The following FAT1 variants were observed in gnomAD, a reference collection of about 807,000 sequenced individuals.
FAT1 encodes the protein FAT atypical cadherin 1.
In FAT1, 171 loss-of-function variants were observed where a neutral mutation model predicts 329.8. The ratio of observed to expected loss-of-function variants is 0.52; its 90% CI spans 0.46 to 0.59. FAT1 has a LOEUF of 0.59. FAT1 is among the 20% of genes least tolerant of loss of function. FAT1 has a pLI of 0.00. For synonymous variants in FAT1, 2,233 were observed against 2,228.6 expected, an observed-to-expected ratio of 1.00 and a Z score of -0.06; for missense variants, 5,672 against 5,774.4, an observed-to-expected ratio of 0.98 and a Z score of 0.57.
chr4:186,659,028 C>T (rs907622494), intron 3 of FAT1, among the ~76,000 whole-genome samples: 4 of 152,256 alleles, frequency 2.6e-5, no homozygotes, highest in African/African-American at 7.2e-5. Context: ...CATATACGAT[C>T]GAACCGCACA....
chr4:186,658,341 G>A (rs545383466), intron 3 of FAT1, among the ~76,000 whole-genome samples: 10 of 152,076 alleles, frequency 6.6e-5, no homozygotes, highest in Admixed American at 5.2e-4. Flanking sequence ...ATTCAAAAAA[G>A]TTCACTCAAA....
rs754072985 is a variant in FAT1 at position 186,620,523 on chromosome 4, G to A, written c.6063C>T (p.Arg2021=). Residue 2021 remains arginine (R), a synonymous_variant, in exon 10 of 27, where the codon CGC becomes CGT. Transcript: ENST00000441802. ...CTGAAGTGCGGCTTATTTTAAATCTGCGATCTGGGTTGAGGATGTGATAAA... is the reference window on the plus strand; with the variant it reads ...CTGAAGTGCGGCTTATTTTAAATCTACGATCTGGGTTGAGGATGTGATAAA... ...PLFYHILNPD[R]RFKISRTSGV... The A allele has an allele frequency of 5.2e-5, 84 of 1,613,892 alleles. No homozygotes were observed. The highest frequency in any genetic ancestry group is 6.7e-5 in the Non-Finnish European group (79 of 1,179,918).
At chr4:186,602,475 C>T (rs1738858800) in intron 20 of FAT1, among the ~76,000 whole-genome samples, 1 of 152,116 alleles carries the variant, frequency 6.6e-6, no homozygotes, top group African/African-American at 2.4e-5. Flanking sequence ...TACAGCCATG[C>T]TAGAAAATAT....
chr4:186,622,084 C>G (rs1275944585), intron 9 of FAT1, among the ~76,000 whole-genome samples: 1 of 152,226 alleles, frequency 6.6e-6, no homozygotes, highest in Non-Finnish European at 1.5e-5. Context: ...AAAGACAAGG[C>G]TATCCTTCCA....
chr4:186,611,769 T>C lies in FAT1; in HGVS notation c.9470A>G (p.Asn3157Ser). ...AATCAGTGAGTATAAAATCTTCCGA[T>C]TTAATCCTATGAAGACATAAAAACA... ...VQATDADAGL[N>S]RKILYSLIDS... The change falls in exon 14 of 27, where the codon AAT becomes AGT. Residue 3157 changes from asparagine to serine, a missense_variant. By Grantham distance (46) the Asn-to-Ser change is conservative. This residue lies in a region of FAT1 where 1,706 missense variants were observed against 1,859.1 expected (regional missense o/e 0.92). Transcript: ENST00000441802. 6.4e-7 allele frequency: 1 copy of C among 1,562,436 alleles called. No individual in the cohort carries two copies. Among genetic ancestry groups the C allele is most frequent in the East Asian group, 2.3e-5 (1 of 42,688 alleles).
intron 2 of FAT1, among the ~76,000 whole-genome samples, chr4:186,683,872 C>T (rs1743339874): frequency 2.6e-5 from 4 of 151,818 alleles, no homozygotes; most frequent in Non-Finnish European, 4.4e-5. Context: ...CCTCAGTGAT[C>T]CTTCCAAAAA....
At chr4:186,679,300 C>T (rs1305418399) in intron 2 of FAT1, among the ~76,000 whole-genome samples, 1 of 151,772 alleles carries the variant, frequency 6.6e-6, no homozygotes, top group Non-Finnish European at 1.5e-5. Flanking sequence ...GCCTGTAGTC[C>T]CAGCTACTCG....
At chr4:186,677,878 T>C (rs1413632102) in intron 2 of FAT1, among the ~76,000 whole-genome samples, 2 of 152,138 alleles carry the variant, frequency 1.3e-5, no homozygotes, top group Non-Finnish European at 2.9e-5. Flanking sequence ...AAGAATAGAT[T>C]GGCAAGTCTC....
intron 26 of FAT1, among the ~76,000 whole-genome samples, chr4:186,591,030 G>GC (rs1738216867): frequency 6.6e-6 from 1 of 152,196 alleles, no homozygotes; most frequent in Non-Finnish European, 1.5e-5. Flanking sequence ...CCAGGGCCCC[G>GC]CATCTATACA....
At chr4:186,692,054 T>G (rs1743792273) in intron 2 of FAT1, among the ~76,000 whole-genome samples, 1 of 151,878 alleles carries the variant, frequency 6.6e-6, no homozygotes, top group African/African-American at 2.4e-5. Context: ...CACAAGTTTG[T>G]TTTTCTTCCC....
At chr4:186,659,727 C>G (rs1222771582) in intron 3 of FAT1, among the ~76,000 whole-genome samples, 1 of 150,062 alleles carries the variant, frequency 6.7e-6, no homozygotes, top group Non-Finnish European at 1.5e-5. Flanking sequence ...TCTACACACA[C>G]AAGCCGGCTG....
intron 2 of FAT1, among the ~76,000 whole-genome samples, chr4:186,664,524 T>C (rs1742339465): frequency 6.6e-6 from 1 of 152,158 alleles, no homozygotes; most frequent in Non-Finnish European, 1.5e-5. Flanking sequence ...GTAAGTCAAC[T>C]AGCAAGAGAT....
Position 186,604,509 on chromosome 4 carries a change from G to C in FAT1, c.10416C>G (p.Asn3472Lys), listed in dbSNP as rs542873085. 2 of 1,613,548 alleles carry C rather than the reference G, an allele frequency of 1.2e-6. No individual in the cohort carries two copies. Among genetic ancestry groups the C allele is most frequent in the Non-Finnish European group, 1.7e-6 (2 of 1,179,538 alleles). The stretch of plus-strand genomic sequence containing the variant: ...CAATAGTAAAGAAGAAGGGTGGACC[G>C]TTATGGGAAGAATCCTCATCTGTTA... ...LVVTDEDSSH[N>K]GPPFFFTIVT... Residue 3472 changes from asparagine to lysine, a missense_variant, in exon 18 of 27, where the codon AAC becomes AAG. Asn to Lys is a moderately conservative substitution (Grantham distance 94). Transcript: ENST00000441802.
Position 186,597,755 on chromosome 4 carries a change from T to C in FAT1, c.12295A>G (p.Lys4099Glu), listed in dbSNP as rs1323366048. Residue 4099 changes from lysine to glutamate, a missense_variant, in exon 24 of 27, where the codon AAG becomes GAG. By Grantham distance (56) the Lys-to-Glu change is moderately conservative (BLOSUM62 1). Coordinates refer to ENST00000441802, the MANE Select transcript of FAT1 (RefSeq NM_005245.4). ...LSPYCKDEPCKNGGTCFDSLD... is the reference protein window; with the variant it reads ...LSPYCKDEPCENGGTCFDSLD... ...CTGTCAAAGCATGTTCCGCCATTCT[T>C]ACAGGGTTCATCTTTGCAGTATGGA... The C allele has an allele frequency of 6.2e-7, 1 of 1,613,914 alleles. No individual in the cohort carries two copies. Among genetic ancestry groups the C allele is most frequent in the Non-Finnish European group, 8.5e-7 (1 of 1,179,874 alleles).
intron 2 of FAT1, among the ~76,000 whole-genome samples, chr4:186,681,500 C>T (rs777090573): frequency 7.9e-5 from 12 of 152,110 alleles, no homozygotes; most frequent in East Asian, 1.9e-4. Context: ...AAGCGGTGTT[C>T]GGAAGAGAAC....
intron 1 of FAT1, among the ~76,000 whole-genome samples, chr4:186,717,656 C>T (rs1745278225): frequency 2.6e-5 from 4 of 152,122 alleles, no homozygotes; most frequent in Admixed American, 2.6e-4. Context: ...TTCAAACAGC[C>T]TCTATATAAA....
chr4:186,660,022 G>A (rs1742094865), intron 3 of FAT1, among the ~76,000 whole-genome samples: 1 of 152,218 alleles, frequency 6.6e-6, no homozygotes, highest in Non-Finnish European at 1.5e-5. Context: ...GGACCTGGAA[G>A]TCAGTTCGCC....
At chr4:186,593,279 G>A (rs1249734999) in intron 26 of FAT1, among the ~76,000 whole-genome samples, 1 of 152,190 alleles carries the variant, frequency 6.6e-6, no homozygotes, top group East Asian at 1.9e-4. Context: ...TGGACTAATC[G>A]CTGGTGAGCT....
intron 3 of FAT1, among the ~76,000 whole-genome samples, chr4:186,659,249 T>G (rs1742054637): frequency 6.6e-6 from 1 of 152,204 alleles, no homozygotes; most frequent in African/African-American, 2.4e-5. Context: ...CACTCTACGT[T>G]GTCCACACAA....
Sources: allele counts gnomAD v4.1 joint callset (sites outside exome capture counted in the v4.1 genomes callset), GRCh38; gene constraint gnomAD v4.1.1; regional missense constraint gnomAD v4.1.1; transcripts MANE v1.5; gene names NCBI Gene and HGNC (gene_info 2026-07-23, HGNC 2026-07-21).